The following KCNMA1 variants were observed in gnomAD, a reference collection of about 807,000 sequenced individuals.
KCNMA1 encodes the protein potassium calcium-activated channel subfamily M alpha 1.
KCNMA1 carries 29 observed loss-of-function variants against 140.0 expected under a neutral mutation model. That is an observed-to-expected ratio of 0.21 (90% CI 0.15 to 0.28). The LOEUF is 0.28. Among genes scored for constraint, KCNMA1 ranks in the 10% least tolerant of loss-of-function variants. The probability of loss-of-function intolerance (pLI) is 1.00; values close to 1 mark genes in which losing one functional copy is unlikely to be tolerated. For synonymous variants in KCNMA1, 612 were observed against 611.9 expected, an observed-to-expected ratio of 1.00 and a Z score of 0.00; for missense variants, 880 against 1,602.2, an observed-to-expected ratio of 0.55 and a Z score of 7.70.
chr10:77,130,041 C>T lies in KCNMA1; in HGVS notation c.809-8993G>A, dbSNP rs565829149. On this transcript the variant is annotated intron_variant, in intron 5 of 27. Coordinates refer to ENST00000286628, the MANE Select transcript of KCNMA1 (RefSeq NM_001161352.2). ...TAAAATTCTAAACTGTTCCATAATA[C>T]AAAACGAGATCTAAAGCTACTAACT... 3.9e-5 allele frequency among the ~76,000 whole-genome samples: 6 copies of T among 152,050 alleles called. No homozygotes were observed. The South Asian group carries it at 1.0e-3, about 26-fold the overall frequency.
intron 23 of KCNMA1, among the ~76,000 whole-genome samples, chr10:76,920,460 A>G (rs566099320): frequency 1.3e-5 from 2 of 152,276 alleles, no homozygotes; most frequent in Admixed American, 1.3e-4. Flanking sequence ...TCTAGGAATT[A>G]GCAGATCTCA....
intron 3 of KCNMA1, among the ~76,000 whole-genome samples, chr10:77,212,228 A>G (rs1006580966): frequency 6.6e-6 from 1 of 152,250 alleles, no homozygotes; most frequent in Non-Finnish European, 1.5e-5. Flanking sequence ...CTAAATAAAG[A>G]AAATGTGGTA....
intron 2 of KCNMA1, among the ~76,000 whole-genome samples, chr10:77,295,788 A>AAAAG (rs2074860710): frequency 2.6e-5 from 1 of 38,012 alleles, no homozygotes; most frequent in African/African-American, 7.5e-5. Flanking sequence ...ACTCCGTCTC[A>AAAAG]AAAAAAAAAA....
chr10:77,022,860 T>C (rs1221964582), intron 16 of KCNMA1: 1 of 427,916 alleles, frequency 2.3e-6, no homozygotes, highest in Admixed American at 2.5e-5. Context: ...GGCTAGGGGA[T>C]TGGCCAATGA....
chr10:77,146,062 C>G (rs2098282145), intron 5 of KCNMA1, among the ~76,000 whole-genome samples: 1 of 152,136 alleles, frequency 6.6e-6, no homozygotes, highest in African/African-American at 2.4e-5. Flanking sequence ...CTGGGCTAAC[C>G]ATATTGGGGA....
chr10:77,145,211 G>C (rs2098266802), intron 5 of KCNMA1, among the ~76,000 whole-genome samples: 1 of 152,074 alleles, frequency 6.6e-6, no homozygotes, highest in African/African-American at 2.4e-5. Context: ...TTGGTTCCTG[G>C]CATCTCCACA....
intron 2 of KCNMA1, among the ~76,000 whole-genome samples, chr10:77,308,851 C>T (rs1421680198): frequency 1.3e-5 from 2 of 152,104 alleles, no homozygotes; most frequent in Non-Finnish European, 2.9e-5. Context: ...AGAAAGAATC[C>T]CAAATTAACA....
intron 23 of KCNMA1, among the ~76,000 whole-genome samples, chr10:76,916,920 G>A (rs1258044032): frequency 6.6e-6 from 1 of 152,224 alleles, no homozygotes; most frequent in Non-Finnish European, 1.5e-5. Flanking sequence ...GAAAGACAAA[G>A]TTTTACTTAA....
At chr10:77,008,232 C>A in intron 18 of KCNMA1, 1 of 1,524,724 alleles carries the variant, frequency 6.6e-7, no homozygotes, top group Non-Finnish European at 8.8e-7. Context: ...GGGCCGTATT[C>A]CAAGGCAGCA....
chr10:77,607,537 A>C (rs1294894004), intron 1 of KCNMA1, among the ~76,000 whole-genome samples: 1 of 152,128 alleles, frequency 6.6e-6, no homozygotes, highest in African/African-American at 2.4e-5. Flanking sequence ...TGCAATCACA[A>C]AGGTCCTTCA....
chr10:77,523,263 A>G (rs1057258798), intron 1 of KCNMA1, among the ~76,000 whole-genome samples: 2 of 146,636 alleles, frequency 1.4e-5, no homozygotes, highest in Non-Finnish European at 3.0e-5. Context: ...AAATAGTTAT[A>G]AATTATTAAC....
At chr10:77,284,579 T>C (rs1362754165) in intron 2 of KCNMA1, among the ~76,000 whole-genome samples, 1 of 152,034 alleles carries the variant, frequency 6.6e-6, no homozygotes, top group Non-Finnish European at 1.5e-5. Context: ...AGTGGCACGA[T>C]CTCGACTCAC....
At chr10:76,927,652 C>T (rs1215136425) in intron 23 of KCNMA1, among the ~76,000 whole-genome samples, 1 of 152,202 alleles carries the variant, frequency 6.6e-6, no homozygotes, top group Non-Finnish European at 1.5e-5. Context: ...GCCCTTTCTA[C>T]ATGTGGTTGT....
At chr10:77,422,741 T>C (rs978039650) in intron 1 of KCNMA1, among the ~76,000 whole-genome samples, 1 of 152,078 alleles carries the variant, frequency 6.6e-6, no homozygotes, top group African/African-American at 2.4e-5. Context: ...GAGACACACA[T>C]AGGGAGAACG....
intron 1 of KCNMA1, among the ~76,000 whole-genome samples, chr10:77,416,205 C>A (rs549066753): frequency 1.3e-5 from 2 of 152,176 alleles, no homozygotes; most frequent in Admixed American, 1.3e-4. Context: ...CAGGGTGTGT[C>A]TGTCACACTA....
intron 2 of KCNMA1, among the ~76,000 whole-genome samples, chr10:77,389,637 T>C (rs1419530742): frequency 1.3e-5 from 2 of 152,116 alleles, no homozygotes; most frequent in Admixed American, 6.5e-5. Context: ...TGAGGAAGGT[T>C]CCAAAAGAGA....
rs144514728 is a variant in KCNMA1 at position 77,323,155 on chromosome 10, C to T, written c.541-71899G>A. Among the ~76,000 whole-genome samples, 63 of 152,246 alleles carry T rather than the reference C, an allele frequency of 4.1e-4. No individual in the cohort carries two copies. In the East Asian group the frequency reaches 0.011, roughly 26 times the overall value. On this transcript the variant is annotated intron_variant, in intron 2 of 27. Coordinates refer to ENST00000286628, the MANE Select transcript of KCNMA1 (RefSeq NM_001161352.2). ...CCATAGATTGCTGGATGCATACTTC[C>T]CTGTCACCTTCCAGTAGGGACACAG...
chr10:77,587,641 C>G (rs971925772), intron 1 of KCNMA1: 1 of 937,430 alleles, frequency 1.1e-6, no homozygotes, highest in Non-Finnish European at 1.3e-6. Context: ...CCTGAGTGTC[C>G]GGTGCTCTGA....
chr10:77,184,087 C>G (rs2098826155), intron 4 of KCNMA1, among the ~76,000 whole-genome samples: 1 of 152,026 alleles, frequency 6.6e-6, no homozygotes, highest in South Asian at 2.1e-4. Context: ...CACACACACA[C>G]ACAAAATTCC....
Sources: gnomAD v4.1 joint callset for allele counts (sites outside exome capture counted in the v4.1 genomes callset) on GRCh38, gnomAD v4.1.1 for gene constraint, MANE v1.5 for transcripts, NCBI Gene and HGNC (gene_info 2026-07-23, HGNC 2026-07-21) for gene names.